IGSF5: variants seen among roughly 807,000 people sequenced by gnomAD.
IGSF5 encodes immunoglobulin superfamily 5 like.
Under a neutral mutation model 39.4 loss-of-function variants are expected in IGSF5, and 41 were observed. The observed-to-expected ratio is 1.04, with a 90% confidence interval of 0.81 to 1.35. The LOEUF (loss-of-function observed/expected upper bound fraction) is 1.35. Ranked by LOEUF, IGSF5 falls within the 40% of genes most tolerant of loss-of-function variation. The pLI is 0.00. For missense variants in IGSF5, 487 were observed against 494.6 expected, an observed-to-expected ratio of 0.98 and a Z score of 0.15; for synonymous variants, 183 against 175.3, an observed-to-expected ratio of 1.04 and a Z score of -0.34.
intron 5 of IGSF5, among the ~76,000 whole-genome samples, chr21:39,785,616 G>A (rs1404299639): frequency 1.8e-4 from 27 of 151,976 alleles, no homozygotes; most frequent in Admixed American, 1.7e-3. Flanking sequence ...AGCTTGATGG[G>A]GATGGCATTG....
intron 4 of IGSF5, among the ~76,000 whole-genome samples, chr21:39,775,464 G>T (rs956247673): frequency 6.6e-6 from 1 of 152,184 alleles, no homozygotes; most frequent in Non-Finnish European, 1.5e-5. Context: ...GCACGTGTTG[G>T]TGGTGACATT....
At chr21:39,756,101 A>T (rs1602368793) in intron 2 of IGSF5, among the ~76,000 whole-genome samples, 1 of 92,706 alleles carries the variant, frequency 1.1e-5, no homozygotes, top group South Asian at 2.6e-4. Flanking sequence ...AAACAAACAA[A>T]CAAACAAACA....
intron 5 of IGSF5, among the ~76,000 whole-genome samples, chr21:39,779,823 C>G (rs2080160661): frequency 6.6e-6 from 1 of 152,126 alleles, no homozygotes; most frequent in South Asian, 2.1e-4. Context: ...ATTGTATGAT[C>G]TCTATTATAG....
the IGSF5 span, among the ~76,000 whole-genome samples, chr21:39,737,037 G>A: frequency 4.7e-3 from 717 of 152,254 alleles, 2 homozygotes; most frequent in Admixed American, 9.7e-3. Context: ...GCAGAGACAT[G>A]GCCCATGGAT....
chr21:39,732,140 T>C, the IGSF5 span, among the ~76,000 whole-genome samples: 2 of 152,112 alleles, frequency 1.3e-5, no homozygotes, highest in Non-Finnish European at 2.9e-5. Flanking sequence ...TGAAAGTGAA[T>C]CCTATAGCCC....
intron 2 of IGSF5, among the ~76,000 whole-genome samples, chr21:39,762,203 T>C (rs1336664875): frequency 6.6e-6 from 1 of 152,124 alleles, no homozygotes; most frequent in African/African-American, 2.4e-5. Flanking sequence ...CTTCGTAAAG[T>C]GTTTGAAGAG....
At chr21:39,757,028 C>A (rs1251979780) in intron 2 of IGSF5, among the ~76,000 whole-genome samples, 3 of 108,934 alleles carry the variant, frequency 2.8e-5, no homozygotes, top group African/African-American at 8.1e-5. Flanking sequence ...GTTCATCAAG[C>A]ACAGCAGGCA....
At chr21:39,712,653 G>A in the IGSF5 span, among the ~76,000 whole-genome samples, 2 of 152,096 alleles carry the variant, frequency 1.3e-5, no homozygotes, top group Admixed American at 6.6e-5. Flanking sequence ...CAGCTGCTTC[G>A]TTCATGGGTT....
upstream of IGSF5, among the ~76,000 whole-genome samples, chr21:39,741,329 G>A (rs1329104392): frequency 1.3e-5 from 2 of 152,196 alleles, no homozygotes; most frequent in African/African-American, 2.4e-5. Flanking sequence ...AACCTGTTAT[G>A]CCAAGGAACC....
At chr21:39,742,290 G>T (rs928525972), upstream of IGSF5, among the ~76,000 whole-genome samples, 2 of 152,200 alleles carry the variant, frequency 1.3e-5, no homozygotes, top group East Asian at 3.9e-4. Context: ...AAAGGGTAAA[G>T]CTCCCCAGTC....
At chr21:39,790,294 C>T (rs2086956177) in intron 6 of IGSF5, among the ~76,000 whole-genome samples, 1 of 152,190 alleles carries the variant, frequency 6.6e-6, no homozygotes, top group Non-Finnish European at 1.5e-5. Flanking sequence ...ATTCTGGGCA[C>T]ATATGCAATT....
intron 6 of IGSF5, 105 bp downstream of exon 6, chr21:39,788,293 A>G (rs2086936516): frequency 2.4e-6 from 2 of 846,972 alleles, no homozygotes; most frequent in African/African-American, 1.7e-5. Flanking sequence ...TTTTGGATTT[A>G]TGTTATCCAG....
the IGSF5 span, among the ~76,000 whole-genome samples, chr21:39,713,773 A>G: frequency 0.11 from 15,978 of 152,058 alleles, 1,095 homozygotes; most frequent in East Asian, 0.23. Flanking sequence ...CAATAATTTT[A>G]TGTTTTACTT....
chr21:39,782,727 T>A (rs2080177768), intron 5 of IGSF5, among the ~76,000 whole-genome samples: 1 of 152,230 alleles, frequency 6.6e-6, no homozygotes, highest in South Asian at 2.1e-4. Flanking sequence ...CTTTGTGTGG[T>A]GAACATTTAA....
At chr21:39,746,181 G>A (rs1602361001) in intron 1 of IGSF5, 35 bp from the exon 2 acceptor site, 1 of 701,654 alleles carries the variant, frequency 1.4e-6, no homozygotes, top group East Asian at 2.7e-5. Context: ...CCTTTAGCCT[G>A]ATTGGAAGTG....
At chr21:39,731,685 A>G in the IGSF5 span, among the ~76,000 whole-genome samples, 1 of 152,168 alleles carries the variant, frequency 6.6e-6, no homozygotes, top group Admixed American at 6.5e-5. Context: ...AAGTGAATTC[A>G]GCTCACAAAC....
intron 5 of IGSF5, among the ~76,000 whole-genome samples, chr21:39,786,097 A>G (rs868264656): frequency 6.6e-6 from 1 of 152,008 alleles, no homozygotes; most frequent in Admixed American, 6.5e-5. Context: ...AAAAGCCAAA[A>G]TTGACAAATG....
the IGSF5 span, among the ~76,000 whole-genome samples, chr21:39,715,948 T>G: frequency 6.6e-6 from 1 of 152,284 alleles, no homozygotes; most frequent in Admixed American, 6.5e-5. Context: ...TAAAATTTTA[T>G]AGGAAGTCTT....
intron 6 of IGSF5, among the ~76,000 whole-genome samples, chr21:39,788,823 G>GT (rs972132142): frequency 6.6e-6 from 1 of 152,150 alleles, no homozygotes; most frequent in East Asian, 1.9e-4. Flanking sequence ...CAAGGGGAGG[G>GT]TTTTTTAGAC....
Sources: gnomAD v4.1 joint callset for allele counts (sites outside exome capture counted in the v4.1 genomes callset) on GRCh38, gnomAD v4.1.1 for gene constraint, MANE v1.5 for transcripts, NCBI Gene and HGNC (gene_info 2026-07-23, HGNC 2026-07-21) for gene names.